Variants in ZBTB24 observed in about 807,000 individuals in gnomAD.
ZBTB24 encodes zinc finger and BTB domain containing 24, also known as zinc finger and BTB domain-containing protein 24.
A neutral mutation model predicts 53.8 loss-of-function variants in ZBTB24; 32 were observed. The ratio of observed to expected loss-of-function variants is 0.60; its 90% CI spans 0.45 to 0.80. The LOEUF (loss-of-function observed/expected upper bound fraction) is 0.80. Ranked by LOEUF, ZBTB24 falls within the 30% of genes least tolerant of loss-of-function variation. The pLI is 0.00. For synonymous variants in ZBTB24, 297 were observed against 306.7 expected (o/e 0.97, Z 0.33); for missense variants, 722 against 837.1 (o/e 0.86, Z 1.70).
At chr6:109,471,648 G>A (rs2115357628) in intron 5 of ZBTB24, among the ~76,000 whole-genome samples, 1 of 152,276 alleles carries the variant, frequency 6.6e-6, no homozygotes, top group Non-Finnish European at 1.5e-5. Context: ...GCTTCTCTGT[G>A]ACCTGGGCTA....
At chr6:109,472,781 T>G (rs1281858443) in intron 5 of ZBTB24, among the ~76,000 whole-genome samples, 1 of 152,334 alleles carries the variant, frequency 6.6e-6, no homozygotes, top group East Asian at 1.9e-4. Context: ...TGATCTGTTC[T>G]TCTTAGTCTT....
At chr6:109,470,291 C>A (rs1776138902) in intron 5 of ZBTB24, among the ~76,000 whole-genome samples, 1 of 151,728 alleles carries the variant, frequency 6.6e-6, no homozygotes, top group Non-Finnish European at 1.5e-5. Flanking sequence ...ACTTCCAGAC[C>A]CTCTTCTCAG....
At position 109,466,516 on chromosome 6, in the gene ZBTB24, T is replaced by G. The variant is rs1413750324; in HGVS notation, c.1429A>C (p.Lys477Gln). Residue 477 changes from lysine (K) to glutamine (Q), a missense_variant, in exon 7 of 7, where the codon AAA becomes CAA. By Grantham distance (53) the Lys-to-Gln change is moderately conservative. Coordinates refer to ENST00000230122, the MANE Select transcript of ZBTB24 (RefSeq NM_014797.3). The stretch of plus-strand genomic sequence containing the variant: ...GTGTGTAGAATGCAGTGTCTCCTTT[T>G]GGCACTGGAGTCAGAGAAGGATTTG... ...CGKSFSDSSA[K>Q]RRHCILHTGK... The G allele has an allele frequency of 6.2e-7, 1 of 1,614,000 alleles. No individual in the cohort carries two copies. Among genetic ancestry groups the G allele is most frequent in the Non-Finnish European group, 8.5e-7 (1 of 1,180,034 alleles).
rs549591580 is a variant in ZBTB24 at position 109,482,690 on chromosome 6, G to C, written c.-29+408C>G. On this transcript the variant is annotated intron_variant, in intron 1 of 6. Coordinates refer to ENST00000230122, the MANE Select transcript of ZBTB24 (RefSeq NM_014797.3). ...CAGGGTCTACCTTCTATAAAATGAA[G>C]GAATGGGATTAACCATCTCCAAAAT... 3.3e-5 allele frequency among the ~76,000 whole-genome samples: 5 copies of C among 152,126 alleles called. No individual in the cohort carries two copies. The East Asian group carries it at 9.8e-4, about 30-fold the overall frequency.
intron 2 of ZBTB24, among the ~76,000 whole-genome samples, chr6:109,478,885 T>C (rs1776336376): frequency 6.7e-6 from 1 of 150,212 alleles, no homozygotes. Context: ...ATCATTAACA[T>C]GCTCATAGAG....
rs542418833 is a variant in ZBTB24, at chr6:109,468,326, T to A, written c.1289-592A>T. 3.3e-5 allele frequency among the ~76,000 whole-genome samples: 5 copies of A among 152,198 alleles called. No individual in the cohort carries two copies. The South Asian group carries it at 1.0e-3, about 32-fold the overall frequency. On this transcript the variant is annotated intron_variant, in intron 5 of 6. Coordinates refer to ENST00000230122, the MANE Select transcript of ZBTB24 (RefSeq NM_014797.3). ...GCCTTGATGCAGTCAGGTCATTTTA[T>A]GCTTGGGCTGCAAATGTTCTGATGA...
chr6:109,481,295 C>G lies in ZBTB24; in HGVS notation c.732G>C (p.Glu244Asp). 1 of 1,614,188 alleles carries G rather than the reference C, an allele frequency of 6.2e-7. No individual in the cohort carries two copies. Among genetic ancestry groups the G allele is most frequent in the Non-Finnish European group, 8.5e-7 (1 of 1,180,022 alleles). ...ATCGACTCTGGCTTGCCTGGCCATC[C>G]TCGGTCTTGGGATCATAGTTCTCAT... Reference protein sequence around the residue: ...EKDENYDPKTEDGQASQSRYS... With the variant: ...EKDENYDPKTDDGQASQSRYS... The change falls in exon 2 of 7, where the codon GAG (glutamate) becomes GAC (aspartate). Residue 244 changes from glutamate to aspartate, a missense_variant. Coordinates refer to ENST00000230122, the MANE Select transcript of ZBTB24 (RefSeq NM_014797.3).
intron 5 of ZBTB24, among the ~76,000 whole-genome samples, chr6:109,471,640 T>G (rs1235920556): frequency 6.6e-6 from 1 of 152,192 alleles, no homozygotes; most frequent in Admixed American, 6.5e-5. Context: ...CTCACCAGGC[T>G]TCTCTGTGAC....
Position 109,467,656 on chromosome 6 carries a change from T to TG in ZBTB24, c.1366dup (p.His456ProfsTer18), listed in dbSNP as rs1302625255. On this transcript the variant is annotated frameshift_variant, in exon 6 of 7. Coordinates refer to ENST00000230122, the MANE Select transcript of ZBTB24 (RefSeq NM_014797.3). LOFTEE classifies it high-confidence loss of function. Reference sequence around the variant, plus strand: ...AAAAATATCTGCAAAACTTTACCGATGGATTCTGATGTGGGTCTGAAGAGA... The same window carrying TG: ...AAAAATATCTGCAAAACTTTACCGATGGGATTCTGATGTGGGTCTGAAGAGA... 1 of 1,613,982 alleles carries TG rather than the reference T, an allele frequency of 6.2e-7. No individual in the cohort carries two copies. Among genetic ancestry groups the TG allele is most frequent in the Non-Finnish European group, 8.5e-7 (1 of 1,180,020 alleles).
rs932226132 is a variant in ZBTB24, at chr6:109,463,561, C to T, written c.*2290G>A. On this transcript the variant is annotated 3_prime_UTR_variant, in exon 7 of 7. Transcript: ENST00000230122. ...TTTAATATAAATTTTTAAACTGATA[C>T]TTATTTCAATTCTTGAAAAAAACTT... 3.3e-5 allele frequency: 5 copies of T among 152,032 alleles called. No individual in the cohort carries two copies. Among genetic ancestry groups the T allele is most frequent in the African/African-American group, 9.7e-5 (4 of 41,384 alleles). 9.4% of individuals were successfully genotyped at this position (152,032 alleles called of 1,614,324 possible). A position where few individuals can be genotyped will look rare whatever the true frequency, so the allele number is the denominator to read the frequency against.
intron 5 of ZBTB24, among the ~76,000 whole-genome samples, chr6:109,473,125 T>C (rs1054715830): frequency 5.9e-5 from 9 of 152,254 alleles, no homozygotes; most frequent in Admixed American, 5.9e-4. Flanking sequence ...TCAGCCCGAG[T>C]GCACCCTACA....
In ZBTB24 at chr6:109,481,837, T is replaced by C. The variant is rs75895379; in HGVS notation, c.190A>G (p.Met64Val). The C allele has an allele frequency of 6.8e-6, 11 of 1,614,074 alleles. No individual in the cohort carries two copies. Among genetic ancestry groups the C allele is most frequent in the East Asian group, 2.2e-5 (1 of 44,898 alleles). Residue 64 changes from methionine to valine, a missense_variant, in exon 2 of 7, where the codon ATG becomes GTG. Physicochemically the swap from Met to Val is conservative, Grantham distance 21. Transcript: ENST00000230122. ...LLAASSEYFS[M>V]MFAEEGEIGQ... ...ATTTCCCCCTCTTCTGCAAACATCA[T>C]TGAGAAGTATTCACTACTGGCAGCA...
chr6:109,467,134 T>C (rs886966197), intron 6 of ZBTB24, among the ~76,000 whole-genome samples: 1 of 152,220 alleles, frequency 6.6e-6, no homozygotes, highest in South Asian at 2.1e-4. Context: ...GTAGCCCCAA[T>C]CAAAATTTAA....
Position 109,475,384 on chromosome 6 carries a change from G to C in ZBTB24, c.1288+15C>G. ...CATCCCGTGTACTGGGGGGACAGAC[G>C]AGATGGAGTTTTACCTGTGTGTGTT... On this transcript the variant is annotated intron_variant, in intron 5 of 6. Coordinates refer to ENST00000230122, the MANE Select transcript of ZBTB24 (RefSeq NM_014797.3). 1 of 1,614,074 alleles carries C rather than the reference G, an allele frequency of 6.2e-7. No homozygotes were observed. The highest frequency in any genetic ancestry group is 1.1e-5 in the South Asian group (1 of 91,082).
At chr6:109,469,194 C>G (rs1776116421) in intron 5 of ZBTB24, among the ~76,000 whole-genome samples, 1 of 152,212 alleles carries the variant, frequency 6.6e-6, no homozygotes, top group Non-Finnish European at 1.5e-5. Flanking sequence ...CTGTCTATAG[C>G]TTTCTACATC....
chr6:109,470,984 G>A (rs1402573132), intron 5 of ZBTB24, among the ~76,000 whole-genome samples: 1 of 152,190 alleles, frequency 6.6e-6, no homozygotes, highest in African/African-American at 2.4e-5. Context: ...CATTCAGGTG[G>A]CTGTTAAGCT....
Position 109,465,850 on chromosome 6 carries a change from G to A in ZBTB24, c.*1C>T. 6.2e-7 allele frequency: 1 copy of A among 1,614,196 alleles called. No homozygotes were observed. The highest frequency in any genetic ancestry group is 8.5e-7 in the Non-Finnish European group (1 of 1,180,042). On this transcript the variant is annotated 3_prime_UTR_variant, in exon 7 of 7. Transcript: ENST00000230122. ...ATCAAGCAGTCAAACGTGTTTACAG[G>A]TCAGCTCTGCTCCTGGCCAAGTGGC...
chr6:109,481,965 T>C lies in ZBTB24; in HGVS notation c.62A>G (p.Asp21Gly). 1 of 1,614,190 alleles carries C rather than the reference T, an allele frequency of 6.2e-7. No individual in the cohort carries two copies. Among genetic ancestry groups the C allele is most frequent in the East Asian group, 2.2e-5 (1 of 44,882 alleles). Residue 21 changes from aspartate (D) to glycine (G), a missense_variant, in exon 2 of 7, where the codon GAC becomes GGC. Coordinates refer to ENST00000230122, the MANE Select transcript of ZBTB24 (RefSeq NM_014797.3). Reference protein sequence around the residue: ...QLVVHSDAHSDTVLASFEDQR... With the variant: ...QLVVHSDAHSGTVLASFEDQR... ...ATCCTCAAAACTGGCCAGCACAGTG[T>C]CACTGTGAGCGTCTGAGTGTACAAC...
chr6:109,477,197 G>A (rs1465526491), intron 2 of ZBTB24, among the ~76,000 whole-genome samples: 1 of 152,102 alleles, frequency 6.6e-6, no homozygotes, highest in Non-Finnish European at 1.5e-5. Context: ...GTGCAGTGGC[G>A]CTACCATAGC....
Sources: gnomAD v4.1 joint callset for allele counts (sites outside exome capture counted in the v4.1 genomes callset) on GRCh38, gnomAD v4.1.1 for gene constraint, MANE v1.5 for transcripts, NCBI Gene and HGNC (gene_info 2026-07-23, HGNC 2026-07-21) for gene names.